Variants in TMEM67 observed in about 807,000 individuals in gnomAD.
TMEM67 encodes meckelin.
Under a neutral mutation model 136.6 loss-of-function variants are expected in TMEM67, and 124 were observed. That is an observed-to-expected ratio of 0.91 (90% CI 0.78 to 1.05). The LOEUF is 1.05. TMEM67 is among the 50% of genes least tolerant of loss of function. TMEM67 has a pLI of 0.00. For missense variants in TMEM67, 1,107 were observed against 1,178.4 expected, an observed-to-expected ratio of 0.94 and a Z score of 0.89; for synonymous variants, 364 against 390.5, an observed-to-expected ratio of 0.93 and a Z score of 0.80.
intron 6 of TMEM67, among the ~76,000 whole-genome samples, chr8:93,767,734 T>A (rs969504268): frequency 1.3e-5 from 2 of 151,896 alleles, no homozygotes; most frequent in Non-Finnish European, 2.9e-5. Context: ...GATTTTTTTT[T>A]TTTTTTTGAC....
the TMEM67 span, among the ~76,000 whole-genome samples, chr8:93,826,503 C>T: frequency 3.3e-5 from 5 of 152,134 alleles, no homozygotes; most frequent in East Asian, 9.6e-4. Context: ...TCTTCCTCCT[C>T]CCAAAAGAAA....
chr8:93,795,913 G>C lies in TMEM67; in HGVS notation c.1786G>C (p.Val596Leu), dbSNP rs778478057. Reference sequence around the variant, plus strand: ...ATTTTTATTATAGGCACAGAAGTCTGTGTCTGTTTTGCTGCCAATGCCAAT... The same window carrying C: ...ATTTTTATTATAGGCACAGAAGTCTCTGTCTGTTTTGCTGCCAATGCCAAT... ...WLIFFKAQKS[V>L]SVLLPMPIQE... Residue 596 changes from valine to leucine, a missense_variant, in exon 18 of 28, where the codon GTG becomes CTG. By Grantham distance (32) the Val-to-Leu change is conservative. This residue lies in a region of TMEM67 where 925 missense variants were observed against 1,002.4 expected (regional missense o/e 0.92). Coordinates refer to ENST00000453321, the MANE Select transcript of TMEM67 (RefSeq NM_153704.6). The C allele has an allele frequency of 1.9e-6, 3 of 1,606,188 alleles. No homozygotes were observed. Among genetic ancestry groups the C allele is most frequent in the Non-Finnish European group, 2.6e-6 (3 of 1,173,080 alleles).
At chr8:93,791,231 G>C in intron 14 of TMEM67, 32 bp from the exon 15 acceptor site, 3 of 1,430,816 alleles carry the variant, frequency 2.1e-6, no homozygotes, top group Non-Finnish European at 3.0e-6. Flanking sequence ...TATAATTTCA[G>C]TATAGCTAAT....
Position 93,781,652 on chromosome 8 carries a change from A to C in TMEM67, c.979-6A>C. The C allele has an allele frequency of 6.5e-7, 1 of 1,529,584 alleles. No homozygotes were observed. Among genetic ancestry groups the C allele is most frequent in the South Asian group, 1.2e-5 (1 of 85,346 alleles). 94.8% of individuals were successfully genotyped at this position (1,529,584 alleles called of 1,614,324 possible). A position where few individuals can be genotyped will look rare whatever the true frequency, so the allele number is the denominator to read the frequency against. On this transcript the variant is annotated splice_region_variant and splice_polypyrimidine_tract_variant and intron_variant, in intron 9 of 27. Transcript: ENST00000453321. The stretch of plus-strand genomic sequence containing the variant: ...TGACCTGATTTTGCTCGTTTTCTTT[A>C]ATCAGAATACAAAACTGAAGTTTGT...
At chr8:93,823,676 A>T (rs937057893), downstream of TMEM67, among the ~76,000 whole-genome samples, 1 of 152,190 alleles carries the variant, frequency 6.6e-6, no homozygotes, top group African/African-American at 2.4e-5. Flanking sequence ...CCTTGTCTAC[A>T]GTGGGTCTAG....
intron 6 of TMEM67, among the ~76,000 whole-genome samples, chr8:93,772,385 G>A (rs1335276670): frequency 2.0e-5 from 3 of 152,026 alleles, no homozygotes; most frequent in Non-Finnish European, 4.4e-5. Context: ...ATTTTGTCTC[G>A]TTATATCTTT....
At chr8:93,800,832 G>C (rs1814840128) in intron 21 of TMEM67, among the ~76,000 whole-genome samples, 1 of 152,024 alleles carries the variant, frequency 6.6e-6, no homozygotes, top group African/African-American at 2.4e-5. Flanking sequence ...CCCTAAATAT[G>C]TTCTTTTCTT....
chr8:93,826,280 C>A, the TMEM67 span, among the ~76,000 whole-genome samples: 2 of 152,000 alleles, frequency 1.3e-5, no homozygotes, highest in African/African-American at 4.8e-5. Flanking sequence ...CAGGCGCCCA[C>A]CACCGCGCGT....
chr8:93,763,005 C>G, intron 3 of TMEM67: 1 of 391,168 alleles, frequency 2.6e-6, no homozygotes, highest in Non-Finnish European at 5.2e-6. Context: ...TCACTGCAAC[C>G]TCCACCTACC....
chr8:93,755,921 T>C (rs1452389186), intron 2 of TMEM67, 55 bp downstream of exon 2: 2 of 932,760 alleles, frequency 2.1e-6, no homozygotes, highest in African/African-American at 1.7e-5. Context: ...AAGTTAAATA[T>C]CTTTATTTTT....
chr8:93,776,900 T>C (rs1057034011), intron 7 of TMEM67, among the ~76,000 whole-genome samples: 47 of 152,216 alleles, frequency 3.1e-4, no homozygotes, highest in Non-Finnish European at 8.8e-5. Context: ...TCTTTTTCTA[T>C]TGATTGAAAT....
Position 93,794,456 on chromosome 8 carries a change from G to GTTA in TMEM67, c.1675-941_1675-939dup, listed in dbSNP as rs946395217. 2.0e-5 allele frequency among the ~76,000 whole-genome samples: 3 copies of GTTA among 152,016 alleles called. 1 individual carries two copies. Among genetic ancestry groups the GTTA allele is most frequent in the South Asian group, 2.1e-4 (1 of 4,818 alleles). On this transcript the variant is annotated intron_variant, in intron 16 of 27. Transcript: ENST00000453321. ...CCGCACAGTAGCTCTTTGAAGTTAG[G>GTTA]TTATTATTATTATTTGCGTTTTACA...
chr8:93,827,822 C>T, the TMEM67 span, among the ~76,000 whole-genome samples: 1 of 151,590 alleles, frequency 6.6e-6, no homozygotes, highest in African/African-American at 2.4e-5. Flanking sequence ...GCTAAGTTTC[C>T]CTTGTGGCTA....
At chr8:93,825,104 T>C in the TMEM67 span, among the ~76,000 whole-genome samples, 1 of 152,190 alleles carries the variant, frequency 6.6e-6, no homozygotes, top group African/African-American at 2.4e-5. Context: ...AGAAGTACAG[T>C]TGTTAGCACG....
chr8:93,769,846 T>A (rs1252416185), intron 6 of TMEM67, among the ~76,000 whole-genome samples: 1 of 152,238 alleles, frequency 6.6e-6, no homozygotes, highest in Non-Finnish European at 1.5e-5. Context: ...ATTGACTCCA[T>A]AACATACATT....
chr8:93,794,474 G>A (rs959144618), intron 16 of TMEM67, among the ~76,000 whole-genome samples: 7 of 152,060 alleles, frequency 4.6e-5, no homozygotes, highest in African/African-American at 1.7e-4. Flanking sequence ...TATTATTTGC[G>A]TTTTACACGT....
At chr8:93,805,847 A>C (rs1815127502) in intron 23 of TMEM67, among the ~76,000 whole-genome samples, 1 of 152,216 alleles carries the variant, frequency 6.6e-6, no homozygotes, top group Non-Finnish European at 1.5e-5. Flanking sequence ...GATTGTTGAC[A>C]GGGAACTTTA....
chr8:93,762,340 C>CT (rs1177022994), intron 3 of TMEM67, among the ~76,000 whole-genome samples: 118 of 142,678 alleles, frequency 8.3e-4, no homozygotes, highest in Middle Eastern at 3.6e-3. Flanking sequence ...TTATCTTTAC[C>CT]TTTTTTTTTT....
At chr8:93,800,288 A>G (rs1814815292) in intron 21 of TMEM67, among the ~76,000 whole-genome samples, 1 of 152,190 alleles carries the variant, frequency 6.6e-6, no homozygotes, top group South Asian at 2.1e-4. Flanking sequence ...CCTTTAGGCT[A>G]AGATCGAGTG....
Sources: gnomAD v4.1 joint callset for allele counts (sites outside exome capture counted in the v4.1 genomes callset) on GRCh38, gnomAD v4.1.1 for gene constraint, gnomAD v4.1.1 regional missense constraint, MANE v1.5 for transcripts, NCBI Gene and HGNC (gene_info 2026-07-23, HGNC 2026-07-21) for gene names.